Variants in HELB observed in about 807,000 individuals in gnomAD.
HELB encodes DNA helicase B, also known as DNA 5'-3' helicase B.
Under a neutral mutation model 101.7 loss-of-function variants are expected in HELB, and 96 were observed. That is an observed-to-expected ratio of 0.94 (90% CI 0.80 to 1.12). The LOEUF is 1.12. HELB is among the 50% of genes most tolerant of loss of function. The pLI, the probability that HELB is intolerant of heterozygous loss-of-function variation, is 0.00. For synonymous variants in HELB, 437 were observed against 459.7 expected (o/e 0.95, Z 0.63); for missense variants, 1,210 against 1,291.9 (o/e 0.94, Z 0.97).
At chr12:66,315,466 A>G (rs1359341362) in intron 6 of HELB, 83 bp downstream of exon 6, 4 of 998,092 alleles carry the variant, frequency 4.0e-6, no homozygotes, top group Non-Finnish European at 5.5e-6. Context: ...ATGATTTAGT[A>G]CAATACATTA....
intron 11 of HELB, among the ~76,000 whole-genome samples, chr12:66,327,062 A>ATATTTAT (rs58083513): frequency 1.4e-5 from 1 of 70,150 alleles, no homozygotes; most frequent in African/African-American, 7.7e-5. Context: ...AAAAAAAAAA[A>ATATTTAT]AAAAATATAT....
chr12:66,331,328 C>A lies in HELB; in HGVS notation c.2845C>A (p.His949Asn). Residue 949 changes from histidine to asparagine, a missense_variant, in exon 12 of 13, where the codon CAT becomes AAT. This residue lies in a region of HELB where 740 missense variants were observed against 728.8 expected (regional missense o/e 1.02). Coordinates refer to ENST00000247815, the MANE Select transcript of HELB (RefSeq NM_001370285.1). ...TTTTCCTAGAAAAACTCGTTTGAAA[C>A]ATTTCTTGCAAAGTAAGCTCTCCTC... ...NSFPRKTRLK[H>N]FLQSKLSSSG... 1 of 1,614,208 alleles carries A rather than the reference C, an allele frequency of 6.2e-7. No homozygotes were observed. Among genetic ancestry groups the A allele is most frequent in the Non-Finnish European group, 8.5e-7 (1 of 1,180,038 alleles).
intron 11 of HELB, among the ~76,000 whole-genome samples, chr12:66,329,492 A>G (rs2053780510): frequency 6.6e-6 from 1 of 152,136 alleles, no homozygotes; most frequent in Admixed American, 6.5e-5. Context: ...TGCTGGGTGG[A>G]GCATGGTTCA....
intron 7 of HELB, among the ~76,000 whole-genome samples, chr12:66,320,063 A>C (rs2053653508): frequency 1.3e-5 from 2 of 152,184 alleles, no homozygotes; most frequent in Non-Finnish European, 1.5e-5. Context: ...TAAAAAGTGA[A>C]CAAATATATT....
intron 11 of HELB, among the ~76,000 whole-genome samples, chr12:66,327,654 C>T (rs1017662446): frequency 2.0e-5 from 3 of 152,082 alleles, no homozygotes; most frequent in Non-Finnish European, 2.9e-5. Context: ...AGTTCAATTC[C>T]GTTCAACAAA....
At chr12:66,319,280 C>T (rs7959466) in intron 7 of HELB, among the ~76,000 whole-genome samples, 3 of 152,168 alleles carry the variant, frequency 2.0e-5, no homozygotes, top group South Asian at 2.1e-4. Flanking sequence ...AATGGGTAAA[C>T]GCATGGCTTC....
chr12:66,311,288 C>T (rs2053542344), intron 4 of HELB, among the ~76,000 whole-genome samples: 1 of 152,036 alleles, frequency 6.6e-6, no homozygotes, highest in Admixed American at 6.5e-5. Context: ...TAGTGAGACC[C>T]CCATCTCTAC....
At chr12:66,315,511 A>G (rs2053594697) in intron 6 of HELB, 128 bp downstream of exon 6, 2 of 560,246 alleles carry the variant, frequency 3.6e-6, no homozygotes, top group Non-Finnish European at 2.8e-6. Flanking sequence ...CCATCCTTCA[A>G]CTATAAACCT....
At position 66,324,172 on chromosome 12, in the gene HELB, C is replaced by T. The variant is rs371672737; in HGVS notation, c.2487C>T (p.Asn829=). 5.5e-5 allele frequency: 88 copies of T among 1,613,414 alleles called. No individual in the cohort carries two copies. The highest frequency in any genetic ancestry group is 6.5e-5 in the Non-Finnish European group (77 of 1,179,702). Residue 829 remains asparagine (N), a synonymous_variant, in exon 10 of 13, where the codon AAC becomes AAT. Coordinates refer to ENST00000247815, the MANE Select transcript of HELB (RefSeq NM_001370285.1). ...AAAATAAGCGTGACTTTGAAAGTAA[C>T]GTTCGACTGTGCAATGGAGAGATAT... ...FAKNKRDFES[N]VRLCNGEIFF... is the part of the protein sequence containing the mutation.
chr12:66,304,763 T>A lies in HELB; in HGVS notation c.220T>A (p.Cys74Ser). Residue 74 changes from cysteine to serine, a missense_variant, in exon 2 of 13, where the codon TGT (cysteine) becomes AGT (serine). Around this residue, in one of 2 missense-constraint regions of HELB, gnomAD observed 470 missense variants for 563.1 expected, o/e 0.83. Transcript: ENST00000247815. ...TTGTGATGAAAACACACAAGAGACA[T>A]GTAAAGTGTTTGGACGTTTTCCGAT... Reference protein sequence around the residue: ...SICDENTQETCKVFGRFPITG... With the variant: ...SICDENTQETSKVFGRFPITG... The A allele has an allele frequency of 1.9e-6, 3 of 1,613,456 alleles. No individual in the cohort carries two copies. Among genetic ancestry groups the A allele is most frequent in the Non-Finnish European group, 2.5e-6 (3 of 1,179,736 alleles).
chr12:66,319,574 T>A (rs1156341301), intron 7 of HELB, among the ~76,000 whole-genome samples: 1 of 152,226 alleles, frequency 6.6e-6, no homozygotes, highest in Non-Finnish European at 1.5e-5. Context: ...TTATTTTCAT[T>A]ATAAACTCAC....
At position 66,331,282 on chromosome 12, in the gene HELB, G is replaced by A; in HGVS notation, c.2799G>A (p.Arg933=). 6.2e-7 allele frequency: 1 copy of A among 1,614,218 alleles called. No individual in the cohort carries two copies. The highest frequency in any genetic ancestry group is 8.5e-7 in the Non-Finnish European group (1 of 1,180,034). ...VYVIAEESQL[R]NAIMKNSFPR... The stretch of plus-strand genomic sequence containing the variant: ...TGATTGCAGAGGAGTCTCAGCTCCG[G>A]AATGCCATTATGAAAAACAGTTTTC... Residue 933 remains arginine, a synonymous_variant, in exon 12 of 13, where the codon CGG becomes CGA. Coordinates refer to ENST00000247815, the MANE Select transcript of HELB (RefSeq NM_001370285.1).
intron 1 of HELB, among the ~76,000 whole-genome samples, chr12:66,303,560 G>C (rs1372368463): frequency 6.6e-6 from 1 of 152,152 alleles, no homozygotes; most frequent in Non-Finnish European, 1.5e-5. Flanking sequence ...TTGAACCCAG[G>C]AGGTGGGGGT....
chr12:66,324,816 A>G (rs2053716341), intron 10 of HELB, 167 bp from the exon 11 acceptor site: 1 of 677,446 alleles, frequency 1.5e-6, no homozygotes, highest in Non-Finnish European at 2.5e-6. Flanking sequence ...ATTTAGGTAT[A>G]GATATATTGT....
chr12:66,335,386 A>C (rs1592650020), intron 12 of HELB, among the ~76,000 whole-genome samples: 1 of 152,204 alleles, frequency 6.6e-6, no homozygotes, highest in Non-Finnish European at 1.5e-5. Flanking sequence ...ACTAAAAAGG[A>C]GTGTGAGTGA....
At chr12:66,329,814 G>A (rs903342962) in intron 11 of HELB, among the ~76,000 whole-genome samples, 1 of 152,108 alleles carries the variant, frequency 6.6e-6, no homozygotes, top group Non-Finnish European at 1.5e-5. Context: ...GGTTAGCTGA[G>A]TTTAGGTAGA....
intron 5 of HELB, among the ~76,000 whole-genome samples, chr12:66,314,988 G>A (rs2053586627): frequency 6.6e-6 from 1 of 151,274 alleles, no homozygotes; most frequent in Non-Finnish European, 1.5e-5. Flanking sequence ...AAATGTCTAA[G>A]GCCTGTTTTT....
chr12:66,309,586 G>T (rs1253609402), intron 3 of HELB, 120 bp from the exon 4 acceptor site: 1 of 574,460 alleles, frequency 1.7e-6, no homozygotes, highest in Non-Finnish European at 3.0e-6. Context: ...ATGTTCTATG[G>T]TATTTTCTGT....
chr12:66,319,904 C>CT (rs546186965), intron 7 of HELB, among the ~76,000 whole-genome samples: 21 of 146,136 alleles, frequency 1.4e-4, no homozygotes, highest in East Asian at 5.9e-4. Flanking sequence ...ATTGTAGAAA[C>CT]TTTTTTTTTC....
Sources: allele counts gnomAD v4.1 joint callset (sites outside exome capture counted in the v4.1 genomes callset), GRCh38; gene constraint gnomAD v4.1.1; regional missense constraint gnomAD v4.1.1; transcripts MANE v1.5; gene names NCBI Gene and HGNC (gene_info 2026-07-23, HGNC 2026-07-21).